The following EIPR1 variants were observed in gnomAD, a reference collection of about 807,000 sequenced individuals.
EIPR1 encodes the protein EARP complex and GARP complex interacting protein 1, also known as EARP and GARP complex-interacting protein 1.
EIPR1 carries 25 observed loss-of-function variants against 48.1 expected under a neutral mutation model. The observed-to-expected ratio is 0.52, with a 90% CI of 0.38 to 0.73. The LOEUF (loss-of-function observed/expected upper bound fraction) is 0.73, where lower values mean the gene tolerates loss of function less well. Ranked by LOEUF, EIPR1 falls within the 30% of genes least tolerant of loss-of-function variation. The pLI, the probability that EIPR1 is intolerant of heterozygous loss-of-function variation, is 0.00. For synonymous variants in EIPR1, 204 were observed against 201.9 expected (o/e 1.01, Z -0.09); for missense variants, 415 against 506.2 (o/e 0.82, Z 1.73).
chr2:3,262,841 T>G (rs986085199), intron 3 of EIPR1, among the ~76,000 whole-genome samples: 10 of 152,128 alleles, frequency 6.6e-5, no homozygotes, highest in African/African-American at 2.2e-4. Context: ...TGAGAAGAGC[T>G]CAGTCATACC....
intron 1 of EIPR1, among the ~76,000 whole-genome samples, chr2:3,368,798 C>T (rs1480346381): frequency 6.6e-6 from 1 of 152,144 alleles, no homozygotes; most frequent in Non-Finnish European, 1.5e-5. Flanking sequence ...TTTCAAATAT[C>T]ATTTGAAATT....
chr2:3,193,638 G>T (rs1664689274), intron 7 of EIPR1, among the ~76,000 whole-genome samples: 1 of 152,160 alleles, frequency 6.6e-6, no homozygotes, highest in South Asian at 2.1e-4. Flanking sequence ...CATCTCCACT[G>T]CACGGATGTC....
At chr2:3,225,287 C>T (rs1268556354) in intron 4 of EIPR1, among the ~76,000 whole-genome samples, 4 of 138,118 alleles carry the variant, frequency 2.9e-5, no homozygotes, top group Non-Finnish European at 6.2e-5. Flanking sequence ...GCTTTGTCAC[C>T]CAGGCTGGAG....
chr2:3,269,283 CACTCAGTCATG>C (rs1400038009), intron 3 of EIPR1, among the ~76,000 whole-genome samples: 33,436 of 136,344 alleles, frequency 0.25, 8,987 homozygotes, highest in Admixed American at 0.34. Context: ...TCAGTCATGG[CACTCAGTCATG>C]GCACTCAGTC....
chr2:3,230,368 C>T (rs995659548), intron 4 of EIPR1, among the ~76,000 whole-genome samples: 10 of 152,090 alleles, frequency 6.6e-5, no homozygotes, highest in African/African-American at 9.7e-5. Flanking sequence ...GAAATCTGTG[C>T]GTGTGCAGAA....
intron 4 of EIPR1, among the ~76,000 whole-genome samples, chr2:3,236,281 G>C (rs536581899): frequency 6.6e-6 from 1 of 152,152 alleles, no homozygotes; most frequent in East Asian, 1.9e-4. Flanking sequence ...ATGGGAAACT[G>C]GGCTCAGAGA....
chr2:3,287,568 C>T (rs1252883678), intron 3 of EIPR1, among the ~76,000 whole-genome samples: 2 of 152,054 alleles, frequency 1.3e-5, no homozygotes, highest in African/African-American at 2.4e-5. Context: ...AAAGCGCGTT[C>T]ACCACGCTCC....
intron 2 of EIPR1, among the ~76,000 whole-genome samples, chr2:3,348,424 G>GA (rs1366232508): frequency 6.6e-6 from 1 of 152,180 alleles, no homozygotes; most frequent in African/African-American, 2.4e-5. Context: ...GGGAAATGCA[G>GA]AAGCACTTAC....
intron 3 of EIPR1, among the ~76,000 whole-genome samples, chr2:3,336,498 T>C (rs1306638800): frequency 6.6e-6 from 1 of 152,158 alleles, no homozygotes; most frequent in Non-Finnish European, 1.5e-5. Flanking sequence ...CCGGGCGCAG[T>C]GGCTCACGTC....
In EIPR1 at chr2:3,322,131, C is replaced by T. The variant is rs961604635; in HGVS notation, c.259+15886G>A. Reference sequence around the variant, plus strand: ...GGATTCTGAAATCCGCTCTTCCCAGCGAGGTCAGCACGGTCCTCCCCTGGC... The same window carrying T: ...GGATTCTGAAATCCGCTCTTCCCAGTGAGGTCAGCACGGTCCTCCCCTGGC... On this transcript the variant is annotated intron_variant, in intron 3 of 8. Coordinates refer to ENST00000382125, the MANE Select transcript of EIPR1 (RefSeq NM_003310.5). Among the ~76,000 whole-genome samples, 11 of 152,352 alleles carry T rather than the reference C, an allele frequency of 7.2e-5. No individual in the cohort carries two copies. The South Asian group carries it at 1.0e-3, about 14-fold the overall frequency.
rs188422205 is a variant in EIPR1, at chr2:3,262,679, G to A, written c.260-5224C>T. On this transcript the variant is annotated intron_variant, in intron 3 of 8. Coordinates refer to ENST00000382125, the MANE Select transcript of EIPR1 (RefSeq NM_003310.5). Reference sequence around the variant, plus strand: ...GCAGTGTGGACTTTGTGGAGAGCCCGGTTGGAGTCACCACGTGGTCCCGGG... The same window carrying A: ...GCAGTGTGGACTTTGTGGAGAGCCCAGTTGGAGTCACCACGTGGTCCCGGG... Among the ~76,000 whole-genome samples the A allele has an allele frequency of 6.4e-4, 97 of 152,312 alleles. 1 individual carries two copies. The East Asian group carries it at 0.014, about 22-fold the overall frequency.
intron 4 of EIPR1, among the ~76,000 whole-genome samples, chr2:3,222,934 A>G (rs1665944527): frequency 6.6e-6 from 1 of 152,196 alleles, no homozygotes; most frequent in African/African-American, 2.4e-5. Context: ...TCCCTAACCA[A>G]TCACGGTTTT....
At chr2:3,220,652 T>C (rs545745566) in intron 4 of EIPR1, among the ~76,000 whole-genome samples, 20 of 151,074 alleles carry the variant, frequency 1.3e-4, no homozygotes, top group Admixed American at 4.6e-4. Flanking sequence ...GCGATTACCA[T>C]GGTACACTCT....
intron 3 of EIPR1, among the ~76,000 whole-genome samples, chr2:3,300,476 G>T (rs1668732420): frequency 6.6e-6 from 1 of 152,106 alleles, no homozygotes; most frequent in Non-Finnish European, 1.5e-5. Flanking sequence ...TCCCTAAAAA[G>T]CCTGGACTGG....
intron 4 of EIPR1, among the ~76,000 whole-genome samples, chr2:3,244,265 C>A (rs1056264944): frequency 2.6e-5 from 4 of 152,158 alleles, no homozygotes; most frequent in African/African-American, 4.8e-5. Context: ...TCTCCTTTTT[C>A]TTCTACTTCT....
chr2:3,199,431 G>A (rs550074152), intron 5 of EIPR1, among the ~76,000 whole-genome samples: 1 of 152,336 alleles, frequency 6.6e-6, no homozygotes, highest in South Asian at 2.1e-4. Flanking sequence ...ATTGATTGGG[G>A]AAGTGATAAA....
At chr2:3,310,615 T>C (rs1280310747) in intron 3 of EIPR1, among the ~76,000 whole-genome samples, 1 of 132,762 alleles carries the variant, frequency 7.5e-6, no homozygotes, top group Non-Finnish European at 1.5e-5. Context: ...ATCCCGCCAC[T>C]GCACTCCAGC....
chr2:3,354,477 T>C, intron 2 of EIPR1, 73 bp downstream of exon 2: 1 of 1,407,904 alleles, frequency 7.1e-7, no homozygotes, highest in Non-Finnish European at 9.9e-7. Context: ...TGCTGGAAAA[T>C]CAGAGCAAAA....
At chr2:3,237,609 G>GCAGAGAT (rs1666454955) in intron 4 of EIPR1, among the ~76,000 whole-genome samples, 1 of 152,164 alleles carries the variant, frequency 6.6e-6, no homozygotes, top group South Asian at 2.1e-4. Context: ...ATGACTAAGA[G>GCAGAGAT]CACAGATCAC....
Sources: allele counts gnomAD v4.1 joint callset (sites outside exome capture counted in the v4.1 genomes callset), GRCh38; gene constraint gnomAD v4.1.1; transcripts MANE v1.5; gene names NCBI Gene and HGNC (gene_info 2026-07-23, HGNC 2026-07-21).